ZDHHC17: variants seen among roughly 807,000 people sequenced by gnomAD.
ZDHHC17 encodes palmitoyltransferase ZDHHC17.
ZDHHC17 carries 40 observed loss-of-function variants against 90.3 expected under a neutral mutation model. The observed-to-expected ratio is 0.44, with a 90% CI of 0.34 to 0.58. The LOEUF is 0.58. Among genes scored for constraint, ZDHHC17 ranks in the 20% least tolerant of loss-of-function variants. The probability of loss-of-function intolerance (pLI) is 0.01; values close to 1 mark genes in which losing one functional copy is unlikely to be tolerated. For synonymous variants in ZDHHC17, 235 were observed against 252.4 expected (o/e 0.93, Z 0.65); for missense variants, 614 against 780.8 (o/e 0.79, Z 2.55).
chr12:76,768,950 C>T, intron 1 of ZDHHC17: 2 of 164,788 alleles, frequency 1.2e-5, no homozygotes, highest in South Asian at 1.2e-4. Context: ...TTTTTTATTT[C>T]ACATTCATTT....
chr12:76,829,145 C>T (rs11115629), intron 10 of ZDHHC17, among the ~76,000 whole-genome samples: 2,737 of 152,078 alleles, frequency 0.018, 32 homozygotes, highest in African/African-American at 0.028. Flanking sequence ...AACAGTATGG[C>T]GATTTCTCAA....
chr12:76,771,350 T>C (rs918397186), intron 1 of ZDHHC17, among the ~76,000 whole-genome samples: 8 of 152,240 alleles, frequency 5.3e-5, no homozygotes, highest in African/African-American at 1.9e-4. Context: ...CTTTTTTGTT[T>C]TTGTTTCAAT....
At chr12:76,815,799 T>G (rs1953080030) in intron 6 of ZDHHC17, 58 bp from the exon 7 acceptor site, 1 of 1,429,524 alleles carries the variant, frequency 7.0e-7, no homozygotes, top group Non-Finnish European at 9.2e-7. Context: ...TGTAATGATT[T>G]CTATAATTGA....
At chr12:76,842,204 T>A (rs1275847490) in intron 11 of ZDHHC17, 98 bp downstream of exon 11, 4 of 1,273,004 alleles carry the variant, frequency 3.1e-6, no homozygotes, top group Non-Finnish European at 4.1e-6. Flanking sequence ...TCGTTTAGAA[T>A]GTAAAGAAGT....
At position 76,851,236 on chromosome 12, in the gene ZDHHC17, A is replaced by G. The variant is rs921705934; in HGVS notation, c.*251A>G. The G allele has an allele frequency of 1.3e-4, 55 of 416,662 alleles. No individual in the cohort carries two copies. Among genetic ancestry groups the G allele is most frequent in the African/African-American group, 1.0e-3 (50 of 47,662 alleles). 25.8% of individuals were successfully genotyped at this position (416,662 alleles called of 1,614,324 possible). A position where few individuals can be genotyped will look rare whatever the true frequency, so the allele number is the denominator to read the frequency against. ...ATGGTTCTTAATGTGGAAATTCACA[A>G]CATACTCAACTTTTGGGTTTTGTTC... On this transcript the variant is annotated 3_prime_UTR_variant, in exon 17 of 17. Coordinates refer to ENST00000426126, the MANE Select transcript of ZDHHC17 (RefSeq NM_015336.4).
chr12:76,783,343 C>T (rs1005270465), intron 1 of ZDHHC17, among the ~76,000 whole-genome samples: 1 of 152,132 alleles, frequency 6.6e-6, no homozygotes, highest in South Asian at 2.1e-4. Context: ...AGGAAACTTG[C>T]AATCACAGTG....
intron 5 of ZDHHC17, chr12:76,813,293 ATAT>A: frequency 2.3e-6 from 1 of 426,028 alleles, no homozygotes; most frequent in Non-Finnish European, 4.7e-6. Flanking sequence ...TTCAGAAAAC[ATAT>A]TTTTTTTAAG....
chr12:76,842,431 A>G (rs754430253), intron 11 of ZDHHC17, among the ~76,000 whole-genome samples: 11 of 152,196 alleles, frequency 7.2e-5, no homozygotes, highest in South Asian at 2.1e-4. Flanking sequence ...CTGAATGACT[A>G]TGTAAACTAG....
chr12:76,805,460 T>A (rs1258447718), intron 3 of ZDHHC17, 21 bp downstream of exon 3: 1 of 1,475,326 alleles, frequency 6.8e-7, no homozygotes, highest in South Asian at 1.3e-5. Flanking sequence ...TCTCTATTTT[T>A]AATTATTAGA....
chr12:76,792,261 A>T (rs1952767221), intron 1 of ZDHHC17, among the ~76,000 whole-genome samples: 1 of 152,158 alleles, frequency 6.6e-6, no homozygotes, highest in East Asian at 1.9e-4. Flanking sequence ...ATCACTCAGA[A>T]ATTTTAAGCA....
rs1343885880 is a variant in ZDHHC17 at position 76,809,798 on chromosome 12, C to A, written c.484C>A (p.His162Asn). The A allele has an allele frequency of 6.2e-7, 1 of 1,609,592 alleles. No individual in the cohort carries two copies. The change falls in exon 5 of 17, where the codon CAT (histidine) becomes AAT (asparagine). Residue 162 changes from histidine to asparagine, a missense_variant. Physicochemically the swap from His to Asn is moderately conservative, Grantham distance 68 (BLOSUM62 1). Transcript: ENST00000426126. ...TGATGGAGAAGGATGTAGCTGTATTCATCTGGCTGCTCAGTTCGGACATAC... is the reference window on the plus strand; with the variant it reads ...TGATGGAGAAGGATGTAGCTGTATTAATCTGGCTGCTCAGTTCGGACATAC... ...LIDGEGCSCIHLAAQFGHTSI... is the reference protein window; with the variant it reads ...LIDGEGCSCINLAAQFGHTSI...
intron 3 of ZDHHC17, among the ~76,000 whole-genome samples, chr12:76,808,751 C>A (rs895436806): frequency 1.3e-5 from 2 of 151,782 alleles, no homozygotes; most frequent in East Asian, 1.9e-4. Flanking sequence ...CTATTCAAAT[C>A]TTTGTAGTTC....
intron 1 of ZDHHC17, among the ~76,000 whole-genome samples, chr12:76,776,650 G>A (rs1000041760): frequency 5.9e-5 from 9 of 152,126 alleles, no homozygotes; most frequent in African/African-American, 1.9e-4. Context: ...ATGTGTGGCA[G>A]TTTAAATTTA....
intron 10 of ZDHHC17, among the ~76,000 whole-genome samples, chr12:76,841,648 G>A (rs1005704117): frequency 1.1e-4 from 17 of 151,880 alleles, no homozygotes; most frequent in Admixed American, 1.1e-3. Flanking sequence ...TGTAATATTT[G>A]GTAGATGCCT....
chr12:76,849,384 T>G lies in ZDHHC17; in HGVS notation c.1674T>G (p.Cys558Trp). ...LLMCQMYQISCLGITTNERMN... is the reference protein window; with the variant it reads ...LLMCQMYQISWLGITTNERMN... ...TTTTTCTTTCCTCTTAGATATCATG[T>G]TTAGGTATTACTACAAATGAAAGAA... The change falls in exon 16 of 17, where the codon TGT (cysteine) becomes TGG (tryptophan). Residue 558 changes from cysteine (C) to tryptophan (W), a missense_variant. Cys to Trp is a radical substitution (Grantham distance 215). This residue lies in a region of ZDHHC17 where 111 missense variants were observed against 179.8 expected (regional missense o/e 0.62). Coordinates refer to ENST00000426126, the MANE Select transcript of ZDHHC17 (RefSeq NM_015336.4). 1 of 1,501,524 alleles carries G rather than the reference T, an allele frequency of 6.7e-7. No homozygotes were observed. The allele number at this position is 1,501,524 out of a possible 1,614,324, so 93.0% of individuals were successfully genotyped here. A position where few individuals can be genotyped will look rare whatever the true frequency, so the allele number is the denominator to read the frequency against.
intron 10 of ZDHHC17, among the ~76,000 whole-genome samples, chr12:76,830,561 G>A (rs1270347063): frequency 6.6e-6 from 1 of 152,096 alleles, no homozygotes; most frequent in Non-Finnish European, 1.5e-5. Flanking sequence ...TTAAGCATTA[G>A]AATTGCCATA....
At chr12:76,779,589 A>G (rs1453214647) in intron 1 of ZDHHC17, among the ~76,000 whole-genome samples, 1 of 152,222 alleles carries the variant, frequency 6.6e-6, no homozygotes, top group African/African-American at 2.4e-5. Context: ...TATGGGAACT[A>G]CAATTCGAGA....
chr12:76,774,260 ATG>A (rs1402270012), intron 1 of ZDHHC17, among the ~76,000 whole-genome samples: 1 of 78,830 alleles, frequency 1.3e-5, no homozygotes, highest in Non-Finnish European at 2.7e-5. Flanking sequence ...AAAATAAAGA[ATG>A]TGTGTGTATG....
chr12:76,787,756 G>T (rs961877254), intron 1 of ZDHHC17, among the ~76,000 whole-genome samples: 1 of 152,116 alleles, frequency 6.6e-6, no homozygotes, highest in African/African-American at 2.4e-5. Flanking sequence ...AGATAAATCT[G>T]TGAACATTAG....
Sources: allele counts gnomAD v4.1 joint callset (sites outside exome capture counted in the v4.1 genomes callset), GRCh38; gene constraint gnomAD v4.1.1; regional missense constraint gnomAD v4.1.1; transcripts MANE v1.5; gene names NCBI Gene and HGNC (gene_info 2026-07-23, HGNC 2026-07-21).